The following CHCHD3 variants were observed in gnomAD, a reference collection of about 807,000 sequenced individuals.
The protein encoded by CHCHD3 is MICOS complex subunit MIC19.
In CHCHD3, 20 loss-of-function variants were observed where a neutral mutation model predicts 38.2. That is an observed-to-expected ratio of 0.52 (90% CI 0.37 to 0.76). The LOEUF (loss-of-function observed/expected upper bound fraction) is 0.76, where lower values mean the gene tolerates loss of function less well. Among genes scored for constraint, CHCHD3 ranks in the 30% least tolerant of loss-of-function variants. The pLI is 0.00. For missense variants in CHCHD3, 245 were observed against 279.2 expected, an observed-to-expected ratio of 0.88 and a Z score of 0.87; for synonymous variants, 82 against 100.0, an observed-to-expected ratio of 0.82 and a Z score of 1.07.
intron 4 of CHCHD3, among the ~76,000 whole-genome samples, chr7:132,956,261 G>A (rs1438989538): frequency 6.6e-6 from 1 of 152,154 alleles, no homozygotes; most frequent in Non-Finnish European, 1.5e-5. Flanking sequence ...AATCTATCAA[G>A]CATGGTGTAC....
At chr7:132,946,197 C>A (rs1810896940) in intron 4 of CHCHD3, among the ~76,000 whole-genome samples, 1 of 151,618 alleles carries the variant, frequency 6.6e-6, no homozygotes, top group Non-Finnish European at 1.5e-5. Flanking sequence ...TGTGTATACA[C>A]ACACATATAC....
At chr7:133,028,342 G>T (rs1246004528) in intron 2 of CHCHD3, among the ~76,000 whole-genome samples, 1 of 152,064 alleles carries the variant, frequency 6.6e-6, no homozygotes, top group Non-Finnish European at 1.5e-5. Flanking sequence ...TGATGCACTG[G>T]GATCAGTGTT....
intron 4 of CHCHD3, among the ~76,000 whole-genome samples, chr7:132,896,927 T>C (rs572009035): frequency 1.3e-5 from 2 of 152,342 alleles, no homozygotes; most frequent in African/African-American, 2.4e-5. Flanking sequence ...TGTGTGATTA[T>C]ATGGACTTAG....
At chr7:132,972,538 T>G in intron 4 of CHCHD3, 2 of 944,760 alleles carry the variant, frequency 2.1e-6, no homozygotes, top group Non-Finnish European at 2.5e-6. Context: ...AATGAATATG[T>G]ATGTCTTCCA....
At chr7:133,067,981 T>C (rs1228434248) in intron 2 of CHCHD3, among the ~76,000 whole-genome samples, 1 of 151,872 alleles carries the variant, frequency 6.6e-6, no homozygotes. Context: ...CCGGGCGTGG[T>C]GGTGGGAGCC....
chr7:132,943,701 T>C (rs954689235), intron 4 of CHCHD3, among the ~76,000 whole-genome samples: 2 of 152,148 alleles, frequency 1.3e-5, no homozygotes, highest in Non-Finnish European at 2.9e-5. Flanking sequence ...GATTTGACTA[T>C]CTAAAAGTAA....
chr7:132,978,075 T>G (rs1811818817), intron 3 of CHCHD3, among the ~76,000 whole-genome samples: 1 of 152,148 alleles, frequency 6.6e-6, no homozygotes, highest in Non-Finnish European at 1.5e-5. Context: ...TAAAATGAAA[T>G]AGTGTAATAC....
At chr7:132,934,407 T>TG (rs1810587414) in intron 4 of CHCHD3, among the ~76,000 whole-genome samples, 1 of 152,280 alleles carries the variant, frequency 6.6e-6, no homozygotes, top group East Asian at 1.9e-4. Flanking sequence ...TCACAATCCA[T>TG]GGGGTGGGAC....
At chr7:132,894,630 G>A (rs1486555132) in intron 4 of CHCHD3, among the ~76,000 whole-genome samples, 2 of 152,206 alleles carry the variant, frequency 1.3e-5, no homozygotes, top group South Asian at 2.1e-4. Flanking sequence ...CTCTCTGCCT[G>A]TATCTTTGGC....
At chr7:132,911,323 A>G (rs1809943599) in intron 4 of CHCHD3, among the ~76,000 whole-genome samples, 1 of 152,178 alleles carries the variant, frequency 6.6e-6, no homozygotes, top group East Asian at 1.9e-4. Context: ...GCAACCCGAG[A>G]ACATCATTAA....
chr7:132,997,035 T>A (rs1812438596), intron 3 of CHCHD3, among the ~76,000 whole-genome samples: 1 of 152,224 alleles, frequency 6.6e-6, no homozygotes, highest in African/African-American at 2.4e-5. Context: ...CCCGAGGAAC[T>A]GAGGCTTTTT....
At chr7:132,899,626 A>T (rs75392113) in intron 4 of CHCHD3, among the ~76,000 whole-genome samples, 4,665 of 152,292 alleles carry the variant, frequency 0.031, 253 homozygotes, top group African/African-American at 0.11. Context: ...CAGGCCAGGC[A>T]GAGTAAATCC....
intron 3 of CHCHD3, among the ~76,000 whole-genome samples, chr7:132,977,402 T>C (rs1331814743): frequency 1.3e-5 from 2 of 152,158 alleles, no homozygotes; most frequent in African/African-American, 4.8e-5. Context: ...TGTACTCAAA[T>C]AAATCCTGGA....
At chr7:132,841,606 T>A (rs1227217875) in intron 5 of CHCHD3, among the ~76,000 whole-genome samples, 1 of 152,052 alleles carries the variant, frequency 6.6e-6, no homozygotes, top group Non-Finnish European at 1.5e-5. Flanking sequence ...ATGCCAAGAT[T>A]GGAAAAGTGA....
chr7:132,984,034 CGGTCTCCCTCTCCCCAT>C (rs1198014588), intron 3 of CHCHD3, among the ~76,000 whole-genome samples: 129 of 150,378 alleles, frequency 8.6e-4, no homozygotes, highest in African/African-American at 1.7e-3. Flanking sequence ...CCTCTCCCCA[CGGTCTCCCTCTCCCCAT>C]GGTCTCCCTC....
chr7:132,923,328 T>C (rs1173746318), intron 4 of CHCHD3, among the ~76,000 whole-genome samples: 1 of 152,202 alleles, frequency 6.6e-6, no homozygotes, highest in Non-Finnish European at 1.5e-5. Flanking sequence ...GGATAAAGTA[T>C]GGCTGTCTAT....
chr7:132,846,711 A>G (rs1315156915), intron 5 of CHCHD3, among the ~76,000 whole-genome samples: 1 of 152,242 alleles, frequency 6.6e-6, no homozygotes, highest in African/African-American at 2.4e-5. Flanking sequence ...CTGCAATTCT[A>G]AACAGCACTT....
intron 1 of CHCHD3, among the ~76,000 whole-genome samples, chr7:133,074,032 C>A (rs1360229726): frequency 6.6e-6 from 1 of 152,232 alleles, no homozygotes; most frequent in Non-Finnish European, 1.5e-5. Context: ...TCCATTCCAA[C>A]CCTGCCTACC....
intron 4 of CHCHD3, among the ~76,000 whole-genome samples, chr7:132,967,392 G>A (rs931978963): frequency 2.5e-4 from 38 of 152,056 alleles, no homozygotes; most frequent in African/African-American, 8.7e-4. Context: ...TTGGCAGTGA[G>A]TTCTCCAGGA....
Sources: allele counts gnomAD v4.1 joint callset (sites outside exome capture counted in the v4.1 genomes callset), GRCh38; gene constraint gnomAD v4.1.1; transcripts MANE v1.5; gene names NCBI Gene and HGNC (gene_info 2026-07-23, HGNC 2026-07-21).